CUL4A: variants seen among roughly 807,000 people sequenced by gnomAD.
CUL4A encodes cullin 4A.
A neutral mutation model predicts 95.5 loss-of-function variants in CUL4A; 16 were observed. The ratio of observed to expected loss-of-function variants is 0.17; its 90% confidence interval spans 0.11 to 0.25. The LOEUF is 0.25. Ranked by LOEUF, CUL4A falls within the 10% of genes least tolerant of loss-of-function variation. The pLI is 1.00. For missense variants in CUL4A, 610 were observed against 937.0 expected, an observed-to-expected ratio of 0.65 and a Z score of 4.56; for synonymous variants, 380 against 353.1, an observed-to-expected ratio of 1.08 and a Z score of -0.85.
chr13:113,240,280 C>G (rs1824145062), intron 10 of CUL4A, among the ~76,000 whole-genome samples: 1 of 152,092 alleles, frequency 6.6e-6, no homozygotes, highest in South Asian at 2.1e-4. Context: ...ACCAGGGGTG[C>G]TGCTGAATGC....
In CUL4A at chr13:113,254,998, A is replaced by G. The variant is rs766789914; in HGVS notation, c.1904A>G (p.Lys635Arg). ...RRTLQSLACG[K>R]ARVLIKSPKG... ...ACGCTGCAGTCCCTGGCCTGTGGCA[A>G]AGCACGTGTGCTGATTAAAAGTCCC... The change falls in exon 18 of 20, where the codon AAA becomes AGA. Residue 635 changes from lysine (K) to arginine (R), a missense_variant. Physicochemically the swap from Lys to Arg is conservative, Grantham distance 26 (BLOSUM62 2). Coordinates refer to ENST00000375440, the MANE Select transcript of CUL4A (RefSeq NM_001008895.4). The G allele has an allele frequency of 1.5e-5, 24 of 1,614,058 alleles. 1 individual carries two copies. In the South Asian group the frequency reaches 2.5e-4, roughly 17 times the overall value.
chr13:113,226,359 ATG>A (rs1409804036), intron 3 of CUL4A, among the ~76,000 whole-genome samples: 1 of 152,228 alleles, frequency 6.6e-6, no homozygotes, highest in Non-Finnish European at 1.5e-5. Context: ...AAGAGTTAAA[ATG>A]TAGGAAGTCC....
chr13:113,227,408 A>G (rs1431766995), intron 3 of CUL4A, among the ~76,000 whole-genome samples: 1 of 151,856 alleles, frequency 6.6e-6, no homozygotes, highest in South Asian at 2.1e-4. Flanking sequence ...CTCTTTTGTA[A>G]CCCCATTCTT....
upstream of CUL4A, chr13:113,208,777 G>A (rs973072260): frequency 5.3e-5 from 75 of 1,423,828 alleles, no homozygotes; most frequent in Admixed American, 8.7e-5. Flanking sequence ...GAGAACCTGG[G>A]GACCGGCTCG....
At chr13:113,235,001 A>T in intron 7 of CUL4A, 62 bp from the exon 8 acceptor site, 1 of 1,239,196 alleles carries the variant, frequency 8.1e-7, no homozygotes, top group Non-Finnish European at 1.2e-6. Flanking sequence ...CAAAATCTCA[A>T]TTTCTTGGAT....
chr13:113,208,786 C>G (rs1399665614), upstream of CUL4A: 3 of 1,419,898 alleles, frequency 2.1e-6, no homozygotes, highest in African/African-American at 1.5e-5. Context: ...GGGACCGGCT[C>G]GGCGACGCGC....
intron 9 of CUL4A, among the ~76,000 whole-genome samples, chr13:113,238,511 A>C (rs1157448717): frequency 6.6e-6 from 1 of 152,200 alleles, no homozygotes; most frequent in East Asian, 1.9e-4. Flanking sequence ...TTTGTTAAGC[A>C]AAATTATTTA....
At chr13:113,231,679 G>T (rs1415278368) in intron 5 of CUL4A, among the ~76,000 whole-genome samples, 1 of 152,188 alleles carries the variant, frequency 6.6e-6, no homozygotes, top group East Asian at 1.9e-4. Context: ...GAGACATTAA[G>T]CTTCTCACCC....
Position 113,254,741 on chromosome 13 carries a change from A to G in CUL4A, c.1801A>G (p.Met601Val). Residue 601 changes from methionine (M) to valine (V), a missense_variant, in exon 17 of 20, where the codon ATG becomes GTG. By Grantham distance (21) the Met-to-Val change is conservative. Around this residue, in one of 10 missense-constraint regions of CUL4A, gnomAD observed 72 missense variants for 93.2 expected, o/e 0.77. Transcript: ENST00000375440. ...CCTCTTCCAGACACTGGTGCTCCTCATGTTCAACGAGGGAGATGGCTTCAG... is the reference window on the plus strand; with the variant it reads ...CCTCTTCCAGACACTGGTGCTCCTCGTGTTCAACGAGGGAGATGGCTTCAG... ...VSLFQTLVLL[M>V]FNEGDGFSFE... The G allele has an allele frequency of 3.7e-6, 6 of 1,613,294 alleles. No homozygotes were observed. The highest frequency in any genetic ancestry group is 1.7e-5 in the Admixed American group (1 of 59,724).
chr13:113,257,731 G>A (rs2042166550), intron 18 of CUL4A, among the ~76,000 whole-genome samples: 1 of 152,074 alleles, frequency 6.6e-6, no homozygotes, highest in South Asian at 2.1e-4. Context: ...CATATCATTG[G>A]CCTAAGAGAG....
intron 3 of CUL4A, 67 bp downstream of exon 3, chr13:113,219,115 T>A: frequency 1.0e-6 from 1 of 953,764 alleles, no homozygotes; most frequent in Non-Finnish European, 1.6e-6. Context: ...AACATTATTA[T>A]GATAAAGAGC....
intron 5 of CUL4A, among the ~76,000 whole-genome samples, chr13:113,231,847 G>A (rs933479615): frequency 5.3e-5 from 8 of 152,148 alleles, no homozygotes; most frequent in Non-Finnish European, 1.2e-4. Flanking sequence ...AGAGGCCCAT[G>A]GTGATGTGGG....
intron 18 of CUL4A, among the ~76,000 whole-genome samples, chr13:113,258,357 G>C (rs1364049372): frequency 6.6e-6 from 1 of 152,138 alleles, no homozygotes; most frequent in Non-Finnish European, 1.5e-5. Context: ...GACAATAATT[G>C]TATCACGCCT....
Position 113,239,558 on chromosome 13 carries a change from G to A in CUL4A, c.1035+7G>A. The A allele has an allele frequency of 1.2e-6, 2 of 1,604,646 alleles. No homozygotes were observed. The highest frequency in any genetic ancestry group is 1.3e-5 in the African/African-American group (1 of 74,750). Reference sequence around the variant, plus strand: ...CTGGAGCGAGTACATCAAGGTACTGGCGGGGTTTTGAGGCCGCGGGCGTGG... The same window carrying A: ...CTGGAGCGAGTACATCAAGGTACTGACGGGGTTTTGAGGCCGCGGGCGTGG... On this transcript the variant is annotated splice_region_variant and intron_variant, in intron 10 of 19. Transcript: ENST00000375440.
intron 10 of CUL4A, among the ~76,000 whole-genome samples, 183 bp from the exon 11 acceptor site, chr13:113,242,785 C>CA (rs1227882653): frequency 1.3e-5 from 2 of 150,782 alleles, no homozygotes; most frequent in Non-Finnish European, 3.0e-5. Flanking sequence ...GGGCCTGCCT[C>CA]AAAAAAAAGT....
chr13:113,227,764 G>A (rs1021295257), intron 3 of CUL4A, among the ~76,000 whole-genome samples: 3 of 152,006 alleles, frequency 2.0e-5, no homozygotes, highest in South Asian at 4.2e-4. Flanking sequence ...AATTAGCTGG[G>A]CGTGGTGGCA....
intron 10 of CUL4A, among the ~76,000 whole-genome samples, chr13:113,241,575 C>T (rs908894645): frequency 2.1e-5 from 3 of 139,828 alleles, no homozygotes; most frequent in Non-Finnish European, 3.0e-5. Flanking sequence ...AGTGTAGTGG[C>T]GTGATCTCAG....
chr13:113,231,978 T>C lies in CUL4A; in HGVS notation c.513-1199T>C, dbSNP rs551317705. ...GCCACCATAATATTATTAATAATAC[T>C]ACCACCACCACCCGCCTACCACTGT... On this transcript the variant is annotated intron_variant, in intron 5 of 19. Coordinates refer to ENST00000375440, the MANE Select transcript of CUL4A (RefSeq NM_001008895.4). Among the ~76,000 whole-genome samples the C allele has an allele frequency of 6.8e-4, 92 of 135,150 alleles. 1 individual carries two copies. The highest frequency in any genetic ancestry group is 2.8e-3 in the African/African-American group (92 of 33,114). 88.7% of individuals were successfully genotyped at this position (135,150 alleles called of 152,430 possible). A position where few individuals can be genotyped will look rare whatever the true frequency, so the allele number is the denominator to read the frequency against.
chr13:113,244,808 C>G (rs1204609000), intron 12 of CUL4A, 141 bp from the exon 13 acceptor site: 1 of 643,568 alleles, frequency 1.6e-6, no homozygotes, highest in African/African-American at 1.8e-5. Context: ...CCACTGCACT[C>G]CAGCCTGGGC....
Sources: gnomAD v4.1 joint callset for allele counts (sites outside exome capture counted in the v4.1 genomes callset) on GRCh38, gnomAD v4.1.1 for gene constraint, gnomAD v4.1.1 regional missense constraint, MANE v1.5 for transcripts, NCBI Gene and HGNC (gene_info 2026-07-23, HGNC 2026-07-21) for gene names.